The following ZNF423 variants were observed in gnomAD, a reference collection of about 807,000 sequenced individuals.
ZNF423 encodes the protein zinc finger protein 423, also known as Ebf-associated zinc finger protein.
Under a neutral mutation model 95.8 loss-of-function variants are expected in ZNF423, and 12 were observed. The ratio of observed to expected loss-of-function variants is 0.13; its 90% CI spans 0.08 to 0.20. ZNF423 has a LOEUF of 0.20. Ranked by LOEUF, ZNF423 falls within the 10% of genes least tolerant of loss-of-function variation. The pLI is 1.00. For missense variants in ZNF423, 1,316 were observed against 1,737.1 expected, an observed-to-expected ratio of 0.76 and a Z score of 4.31; for synonymous variants, 749 against 711.9, an observed-to-expected ratio of 1.05 and a Z score of -0.83.
chr16:49,597,005 C>T (rs1161987464), intron 5 of ZNF423, among the ~76,000 whole-genome samples: 2 of 152,196 alleles, frequency 1.3e-5, no homozygotes, highest in South Asian at 2.1e-4. Flanking sequence ...GCTTGGGCTT[C>T]GGGCTCCATC....
At chr16:49,815,219 AT>A in intron 1 of ZNF423, among the ~76,000 whole-genome samples, 1 of 152,258 alleles carries the variant, frequency 6.6e-6, no homozygotes, top group Non-Finnish European at 1.5e-5. Context: ...GGCCATTCTT[AT>A]TAATAACACT....
intron 1 of ZNF423, among the ~76,000 whole-genome samples, chr16:49,828,561 C>T (rs961511193): frequency 1.3e-5 from 2 of 152,246 alleles, no homozygotes; most frequent in Non-Finnish European, 2.9e-5. Flanking sequence ...CTAGAAAAGA[C>T]TCCGCCAGCT....
chr16:49,664,057 C>G (rs1038853601), intron 3 of ZNF423: 4 of 985,500 alleles, frequency 4.1e-6, no homozygotes, highest in African/African-American at 3.5e-5. Flanking sequence ...CCAACCCAGC[C>G]ACCCCCTCAT....
chr16:49,689,202 G>A (rs2031682869), intron 3 of ZNF423, among the ~76,000 whole-genome samples: 2 of 152,210 alleles, frequency 1.3e-5, no homozygotes, highest in South Asian at 4.2e-4. Flanking sequence ...AGCACTTTGG[G>A]AGGTCAATGC....
chr16:49,556,697 T>A (rs1431711123), intron 5 of ZNF423, among the ~76,000 whole-genome samples: 1 of 152,216 alleles, frequency 6.6e-6, no homozygotes, highest in Non-Finnish European at 1.5e-5. Flanking sequence ...GAGCACAGTG[T>A]CTTGAAGCTC....
At position 49,534,043 on chromosome 16, in the gene ZNF423, C is replaced by A. The variant is rs1327638163; in HGVS notation, c.3602-8549G>T. ...CATGGTGGTGGGTGGTACACTGAGG[C>A]AGGAAGATGTCTTCAGCCCAGGACT... On this transcript the variant is annotated intron_variant, in intron 5 of 7. Coordinates refer to ENST00000563137, the MANE Select transcript of ZNF423 (RefSeq NM_001379286.1). Among the ~76,000 whole-genome samples the A allele has an allele frequency of 2.0e-5, 3 of 151,986 alleles. No individual in the cohort carries two copies. In the South Asian group the frequency reaches 6.2e-4, roughly 32 times the overall value.
At position 49,495,501 on chromosome 16, in the gene ZNF423, C is replaced by G. The variant is rs138201199; in HGVS notation, c.3850-4197G>C. Among the ~76,000 whole-genome samples, 509 of 152,350 alleles carry G rather than the reference C, an allele frequency of 3.3e-3. 3 individuals carry two copies. Among genetic ancestry groups the G allele is most frequent in the African/African-American group, 0.012 (485 of 41,580 alleles). On this transcript the variant is annotated intron_variant, in intron 7 of 7. Transcript: ENST00000563137. ...CCCTCAGCCTCTGGAAGGAAAGAAG[C>G]CCAGCATTCATTTCATGGTTGCTCA... is the stretch of plus-strand genomic sequence containing the variant.
At chr16:49,666,719 C>A (rs2030563876) in intron 3 of ZNF423, among the ~76,000 whole-genome samples, 2 of 152,332 alleles carry the variant, frequency 1.3e-5, no homozygotes, top group South Asian at 4.1e-4. Context: ...GCTCACCAGA[C>A]CCCCAGGGAG....
chr16:49,727,922 G>A (rs560826509), intron 3 of ZNF423, among the ~76,000 whole-genome samples: 1 of 152,344 alleles, frequency 6.6e-6, no homozygotes, highest in East Asian at 1.9e-4. Flanking sequence ...GCCAGGGGGA[G>A]CCTGCGATTG....
intron 3 of ZNF423, among the ~76,000 whole-genome samples, chr16:49,657,779 C>T (rs971348603): frequency 1.3e-5 from 2 of 152,224 alleles, no homozygotes; most frequent in Non-Finnish European, 2.9e-5. Flanking sequence ...TAAGTCCTTG[C>T]TTCAGGCTCT....
chr16:49,620,226 T>C (rs932165256), intron 5 of ZNF423, among the ~76,000 whole-genome samples: 1 of 96,688 alleles, frequency 1.0e-5, no homozygotes, highest in Admixed American at 1.0e-4. Flanking sequence ...CACATACACA[T>C]ACACACACAG....
At chr16:49,854,056 C>T in intron 1 of ZNF423, 2 of 985,376 alleles carry the variant, frequency 2.0e-6, no homozygotes, top group Non-Finnish European at 2.4e-6. Context: ...AGCCGTACAG[C>T]CCTTCCATCA....
intron 7 of ZNF423, among the ~76,000 whole-genome samples, chr16:49,510,060 A>G (rs546825309): frequency 6.6e-6 from 1 of 152,364 alleles, no homozygotes; most frequent in East Asian, 1.9e-4. Flanking sequence ...CACGACATCA[A>G]GCGAGTGGCT....
intron 7 of ZNF423, among the ~76,000 whole-genome samples, chr16:49,514,214 G>GCGTACACACACACACA (rs1459909593): frequency 2.8e-5 from 1 of 35,446 alleles, no homozygotes; most frequent in Admixed American, 2.3e-4. Flanking sequence ...ACACACACAT[G>GCGTACACACACACACA]CACACGCACA....
intron 3 of ZNF423, among the ~76,000 whole-genome samples, chr16:49,726,462 T>C (rs908277606): frequency 3.3e-5 from 5 of 152,158 alleles, no homozygotes; most frequent in Non-Finnish European, 7.4e-5. Flanking sequence ...GTCCAAGTCC[T>C]CCTGGCTCCT....
intron 3 of ZNF423, among the ~76,000 whole-genome samples, chr16:49,659,610 C>T (rs939880355): frequency 2.6e-5 from 4 of 152,356 alleles, no homozygotes; most frequent in Middle Eastern, 3.4e-3. Flanking sequence ...AAACACACCC[C>T]TGACACACAT....
chr16:49,781,163 T>A (rs1310612177), intron 2 of ZNF423, among the ~76,000 whole-genome samples: 3 of 152,022 alleles, frequency 2.0e-5, no homozygotes, highest in Non-Finnish European at 4.4e-5. Flanking sequence ...CAGCCTTGAT[T>A]TGGGGATTGA....
At chr16:49,707,715 C>T (rs1049895648) in intron 3 of ZNF423, among the ~76,000 whole-genome samples, 54 of 151,746 alleles carry the variant, frequency 3.6e-4, no homozygotes, top group Non-Finnish European at 6.5e-4. Context: ...ATAAAATTTA[C>T]GTATTATTTA....
chr16:49,746,841 C>T (rs1489789597), intron 2 of ZNF423, among the ~76,000 whole-genome samples: 1 of 152,016 alleles, frequency 6.6e-6, no homozygotes, highest in African/African-American at 2.4e-5. Context: ...ACAGCTGGAG[C>T]CCATCTACCC....
Sources: gnomAD v4.1 joint callset for allele counts (sites outside exome capture counted in the v4.1 genomes callset) on GRCh38, gnomAD v4.1.1 for gene constraint, MANE v1.5 for transcripts, NCBI Gene and HGNC (gene_info 2026-07-23, HGNC 2026-07-21) for gene names.